Variants in USH2A observed in about 807,000 individuals in gnomAD.
USH2A encodes the protein Usher syndrome 2A (autosomal recessive, mild).
In USH2A, 443 loss-of-function variants were observed where a neutral mutation model predicts 538.9. That is an observed-to-expected ratio of 0.82 (90% CI 0.76 to 0.89). The LOEUF is 0.89. USH2A is among the 40% of genes least tolerant of loss of function. The probability of loss-of-function intolerance (pLI) is 0.00; values close to 1 mark genes in which losing one functional copy is unlikely to be tolerated. For missense variants in USH2A, 6,633 were observed against 6,324.8 expected (o/e 1.05, Z -1.65); for synonymous variants, 2,413 against 2,273.5 (o/e 1.06, Z -1.75).
intron 58 of USH2A, 75 bp from the exon 59 acceptor site, chr1:215,743,410 G>GATA (rs2102727891): frequency 2.2e-6 from 1 of 457,014 alleles, no homozygotes; most frequent in Non-Finnish European, 3.4e-6. Context: ...GTGTGTGTGT[G>GATA]TGTGTGTATA....
At position 216,014,087 on chromosome 1, in the gene USH2A, GA is replaced by G. The variant is rs1397639203; in HGVS notation, c.6326-13526del. Among the ~76,000 whole-genome samples, 8 of 17,978 alleles carry G rather than the reference GA, an allele frequency of 4.4e-4. No individual in the cohort carries two copies. The East Asian group carries it at 0.045, about 101-fold the overall frequency. 11.8% of individuals were successfully genotyped at this position (17,978 alleles called of 152,430 possible). A position where few individuals can be genotyped will look rare whatever the true frequency, so the allele number is the denominator to read the frequency against. The stretch of plus-strand genomic sequence containing the variant: ...CTTTGAATAATAAAGCATGAAAAAA[GA>G]GAGAGAGAGAGAGAAGAGAACCTAA... On this transcript the variant is annotated intron_variant, in intron 32 of 71. Transcript: ENST00000307340.
At chr1:215,697,063 C>T (rs1435060170) in intron 61 of USH2A, among the ~76,000 whole-genome samples, 1 of 152,014 alleles carries the variant, frequency 6.6e-6, no homozygotes, top group Non-Finnish European at 1.5e-5. Flanking sequence ...AGCAATTCTC[C>T]CACCTCAGTC....
rs779400517 is a variant in USH2A, at chr1:215,647,681, A to C, written c.14632T>G (p.Cys4878Gly). ...VACPPDSALP[C>G]TPSQIETKYT... ...TTTGTTTCTATTTGGCTGGGAGTAC[A>C]GGGGAGGGCTGAGTCAGGAGGGCAA... Residue 4878 changes from cysteine (C) to glycine (G), a missense_variant, in exon 67 of 72, where the codon TGT becomes GGT. Coordinates refer to ENST00000307340, the MANE Select transcript of USH2A (RefSeq NM_206933.4). The C allele has an allele frequency of 1.2e-5, 19 of 1,614,050 alleles. No homozygotes were observed. In the African/African-American group the frequency reaches 2.4e-4, roughly 20 times the overall value.
intron 4 of USH2A, among the ~76,000 whole-genome samples, chr1:216,362,917 C>T (rs957408701): frequency 1.1e-4 from 16 of 149,018 alleles, no homozygotes; most frequent in African/African-American, 3.0e-4. Context: ...CCAGCCTGGG[C>T]GACAAGAGCG....
intron 21 of USH2A, among the ~76,000 whole-genome samples, chr1:216,132,550 T>C (rs1232128597): frequency 6.6e-6 from 1 of 152,060 alleles, no homozygotes; most frequent in East Asian, 1.9e-4. Flanking sequence ...TGACCCCCAC[T>C]CTTCTAACTC....
At chr1:216,003,997 C>T (rs1305372010) in intron 32 of USH2A, among the ~76,000 whole-genome samples, 1 of 152,064 alleles carries the variant, frequency 6.6e-6, no homozygotes, top group Non-Finnish European at 1.5e-5. Context: ...TTTCCCAGTG[C>T]ATTGTAGGTA....
chr1:215,786,556 A>C, intron 52 of USH2A, 114 bp downstream of exon 52: 1 of 1,152,924 alleles, frequency 8.7e-7, no homozygotes, highest in Non-Finnish European at 1.3e-6. Context: ...AGTATGATGG[A>C]ATGTACTGAT....
At chr1:215,743,820 CA>C (rs11422369) in intron 58 of USH2A, among the ~76,000 whole-genome samples, 1,688 of 117,552 alleles carry the variant, frequency 0.014, 20 homozygotes, top group African/African-American at 0.044. Flanking sequence ...ACTCCGCCTC[CA>C]AAAAAAAAAA....
At chr1:216,405,781 G>C (rs914042291) in intron 3 of USH2A, among the ~76,000 whole-genome samples, 1 of 152,194 alleles carries the variant, frequency 6.6e-6, no homozygotes. Flanking sequence ...TAACCTAGAT[G>C]TCCTTCAATG....
At chr1:216,378,242 C>A (rs537364362) in intron 3 of USH2A, among the ~76,000 whole-genome samples, 1 of 152,236 alleles carries the variant, frequency 6.6e-6, no homozygotes, top group East Asian at 1.9e-4. Context: ...ACTAAAGTTA[C>A]AACATCTAAT....
intron 13 of USH2A, among the ~76,000 whole-genome samples, chr1:216,243,125 C>G (rs1017605990): frequency 1.3e-5 from 2 of 152,140 alleles, no homozygotes; most frequent in Non-Finnish European, 2.9e-5. Context: ...AGCAGGGCCA[C>G]TATAAACTGT....
At chr1:215,630,470 GTATGTGTGTGTGTA>G (rs1268349128) in intron 70 of USH2A, among the ~76,000 whole-genome samples, 3 of 88,834 alleles carry the variant, frequency 3.4e-5, no homozygotes, top group African/African-American at 1.5e-4. Context: ...ATATGTATGT[GTATGTGTGTGTGTA>G]TATATATATA....
chr1:215,922,089 G>A lies in USH2A; in HGVS notation c.7300+12527C>T, dbSNP rs114675418. On this transcript the variant is annotated intron_variant, in intron 38 of 71. Transcript: ENST00000307340. ...TAGAATCCAGGATGAAGATGTAACT[G>A]ACTTGAGGAAACATATTTCAAAACT... Among the ~76,000 whole-genome samples the A allele has an allele frequency of 7.5e-3, 1,141 of 152,174 alleles. 17 individuals are homozygous for A. The highest frequency in any genetic ancestry group is 0.026 in the African/African-American group (1,068 of 41,544).
At chr1:216,374,879 G>T (rs967543309) in intron 3 of USH2A, among the ~76,000 whole-genome samples, 3 of 152,052 alleles carry the variant, frequency 2.0e-5, no homozygotes, top group African/African-American at 7.2e-5. Context: ...CCTGGAATCA[G>T]CCATTTCTCC....
chr1:216,009,062 A>C (rs553534668), intron 32 of USH2A, among the ~76,000 whole-genome samples: 1 of 151,678 alleles, frequency 6.6e-6, no homozygotes, highest in Non-Finnish European at 1.5e-5. Context: ...CCAATACCTT[A>C]TTTCTGTGCC....
At chr1:216,242,032 T>C (rs2102537995) in intron 13 of USH2A, among the ~76,000 whole-genome samples, 1 of 152,242 alleles carries the variant, frequency 6.6e-6, no homozygotes, top group South Asian at 2.1e-4. Flanking sequence ...TTTCCCTTGT[T>C]AAAGTTTCAA....
intron 21 of USH2A, among the ~76,000 whole-genome samples, chr1:216,126,606 A>C (rs1017187817): frequency 6.6e-6 from 1 of 152,108 alleles, no homozygotes; most frequent in African/African-American, 2.4e-5. Context: ...CCCCATTTGT[A>C]TGTAAAAAGC....
rs138144771 is a variant in USH2A at position 215,629,344 on chromosome 1, G to A, written c.15298-309C>T. On this transcript the variant is annotated intron_variant, in intron 70 of 71. Transcript: ENST00000307340. ...TGGCTGTTGTTCCCTGTGGGGCAAG[G>A]GCTTGCTGCATTGCAAAGTGGTGGG... Among the ~76,000 whole-genome samples, 163 of 152,226 alleles carry A rather than the reference G, an allele frequency of 1.1e-3. 1 individual carries two copies. Among genetic ancestry groups the A allele is most frequent in the African/African-American group, 3.8e-3 (159 of 41,554 alleles).
At chr1:215,832,118 A>T (rs970455269) in intron 47 of USH2A, among the ~76,000 whole-genome samples, 7 of 152,000 alleles carry the variant, frequency 4.6e-5, no homozygotes, top group Non-Finnish European at 7.4e-5. Context: ...AATATCATAC[A>T]TTATTAAGGG....
Sources: gnomAD v4.1 joint callset for allele counts (sites outside exome capture counted in the v4.1 genomes callset) on GRCh38, gnomAD v4.1.1 for gene constraint, MANE v1.5 for transcripts, NCBI Gene and HGNC (gene_info 2026-07-23, HGNC 2026-07-21) for gene names.